Variants in FAT3 observed in about 807,000 individuals in gnomAD.
FAT3 encodes the protein protocadherin Fat 3.
Under a neutral mutation model 310.2 loss-of-function variants are expected in FAT3, and 95 were observed. That is an observed-to-expected ratio of 0.31 (90% CI 0.26 to 0.36). The LOEUF is 0.36. FAT3 is among the 10% of genes least tolerant of loss of function. The pLI, the probability that FAT3 is intolerant of heterozygous loss-of-function variation, is 1.00. For synonymous variants in FAT3, 2,314 were observed against 2,192.9 expected (o/e 1.06, Z -1.54); for missense variants, 5,408 against 5,715.6 (o/e 0.95, Z 1.74).
intron 3 of FAT3, among the ~76,000 whole-genome samples, chr11:92,576,905 T>TA (rs34110104): frequency 0.74 from 112,699 of 151,946 alleles, 44,063 homozygotes; most frequent in Non-Finnish European, 0.88. Flanking sequence ...CCAAGAATGT[T>TA]ACAGCATACA....
chr11:92,424,365 G>T (rs185304777), intron 2 of FAT3, among the ~76,000 whole-genome samples: 1 of 152,214 alleles, frequency 6.6e-6, no homozygotes, highest in East Asian at 1.9e-4. Flanking sequence ...GAAATGACTG[G>T]AGGAGAATGC....
intron 2 of FAT3, among the ~76,000 whole-genome samples, chr11:92,355,633 T>G (rs1948710086): frequency 6.6e-6 from 1 of 152,214 alleles, no homozygotes; most frequent in South Asian, 2.1e-4. Context: ...TGTTTTGTTT[T>G]GTTATTTTCT....
chr11:92,614,101 T>C (rs1940693345), intron 3 of FAT3, among the ~76,000 whole-genome samples: 1 of 152,166 alleles, frequency 6.6e-6, no homozygotes. Context: ...TGTAGAATAA[T>C]ATTCCATGGT....
At chr11:92,787,148 T>C (rs956162407) in intron 7 of FAT3, among the ~76,000 whole-genome samples, 4 of 152,158 alleles carry the variant, frequency 2.6e-5, no homozygotes, top group African/African-American at 9.6e-5. Context: ...CCCTCCCCAG[T>C]TGAGAACTGA....
intron 2 of FAT3, among the ~76,000 whole-genome samples, chr11:92,406,961 C>T (rs1950148995): frequency 6.6e-6 from 1 of 152,170 alleles, no homozygotes; most frequent in Admixed American, 6.5e-5. Flanking sequence ...ACTGTCAAGT[C>T]AGTGCCTTTT....
intron 2 of FAT3, among the ~76,000 whole-genome samples, chr11:92,513,763 C>T (rs185474449): frequency 1.3e-5 from 2 of 152,232 alleles, no homozygotes; most frequent in Non-Finnish European, 1.5e-5. Context: ...ACAGATATGC[C>T]ATCAAGGTAT....
At chr11:92,536,295 G>A (rs953390982) in intron 3 of FAT3, among the ~76,000 whole-genome samples, 2 of 152,148 alleles carry the variant, frequency 1.3e-5, no homozygotes, top group Non-Finnish European at 2.9e-5. Context: ...AGACACATTT[G>A]CTTTCTACTT....
intron 2 of FAT3, among the ~76,000 whole-genome samples, chr11:92,362,128 A>G (rs1948897144): frequency 6.6e-6 from 1 of 152,182 alleles, no homozygotes; most frequent in African/African-American, 2.4e-5. Flanking sequence ...CTTTCTTTGC[A>G]CTGAGGCTCT....
rs142590287 is a variant in FAT3 at position 92,605,755 on chromosome 11, T to A, written c.3607+80807T>A. 1.5e-3 allele frequency among the ~76,000 whole-genome samples: 205 copies of A among 136,248 alleles called. No homozygotes were observed. The Middle Eastern group carries it at 0.019, about 12-fold the overall frequency. The allele number at this position is 136,248 out of a possible 152,430, so 89.4% of individuals were successfully genotyped here. A position where few individuals can be genotyped will look rare whatever the true frequency, so the allele number is the denominator to read the frequency against. On this transcript the variant is annotated intron_variant, in intron 3 of 27. Coordinates refer to ENST00000525166, the MANE Select transcript of FAT3 (RefSeq NM_001367949.2). ...TTTTTTTTTTTTTTACAAATGAGAT[T>A]TGGGGAGAGTAATTCTTCCCCAAGT...
chr11:92,265,031 TG>T (rs1349754076), intron 1 of FAT3, among the ~76,000 whole-genome samples: 1 of 151,662 alleles, frequency 6.6e-6, no homozygotes, highest in African/African-American at 2.4e-5. Flanking sequence ...AAAAAAAGGT[TG>T]AAAAAAAAAC....
chr11:92,608,569 G>A (rs190363201), intron 3 of FAT3, among the ~76,000 whole-genome samples: 306 of 151,920 alleles, frequency 2.0e-3, no homozygotes, highest in African/African-American at 7.0e-3. Context: ...TTTCTCAACC[G>A]CACAATGAAA....
intron 3 of FAT3, among the ~76,000 whole-genome samples, chr11:92,546,096 A>G (rs1466844888): frequency 6.6e-6 from 1 of 152,144 alleles, no homozygotes; most frequent in Admixed American, 6.5e-5. Context: ...TTAATTCAAG[A>G]AATGTCGTCT....
At chr11:92,369,872 G>A (rs1565264584) in intron 2 of FAT3, among the ~76,000 whole-genome samples, 1 of 151,884 alleles carries the variant, frequency 6.6e-6, no homozygotes, top group Non-Finnish European at 1.5e-5. Context: ...AAAAAAAACT[G>A]CAAGTTCAAT....
chr11:92,764,798 C>T, intron 5 of FAT3, 81 bp from the exon 6 acceptor site: 1 of 1,334,924 alleles, frequency 7.5e-7, no homozygotes, highest in African/African-American at 1.4e-5. Flanking sequence ...GACTCTTGGC[C>T]CAGCAACATG....
chr11:92,582,505 T>G (rs766672862), intron 3 of FAT3, among the ~76,000 whole-genome samples: 2 of 152,032 alleles, frequency 1.3e-5, no homozygotes, highest in Non-Finnish European at 2.9e-5. Flanking sequence ...AATTTGATAA[T>G]TCTAGCAATC....
intron 7 of FAT3, among the ~76,000 whole-genome samples, chr11:92,782,848 G>A (rs2136137453): frequency 6.6e-6 from 1 of 152,196 alleles, no homozygotes; most frequent in South Asian, 2.1e-4. Context: ...GTTTCTAATT[G>A]GCCTGCTTCC....
At chr11:92,758,061 T>A (rs1946049941) in intron 4 of FAT3, among the ~76,000 whole-genome samples, 1 of 152,196 alleles carries the variant, frequency 6.6e-6, no homozygotes, top group Non-Finnish European at 1.5e-5. Context: ...ATGTTAATTT[T>A]CATACAGAGA....
At chr11:92,341,436 C>G (rs1039986558) in intron 1 of FAT3, among the ~76,000 whole-genome samples, 4 of 152,104 alleles carry the variant, frequency 2.6e-5, no homozygotes, top group African/African-American at 9.7e-5. Flanking sequence ...CTTATATGCA[C>G]CAGTCAATAA....
chr11:92,359,618 A>C, intron 2 of FAT3, among the ~76,000 whole-genome samples: 1 of 144,984 alleles, frequency 6.9e-6, no homozygotes, highest in Non-Finnish European at 1.5e-5. Flanking sequence ...TCCCAATGCT[A>C]TCCCTCCCCG....
Sources: allele counts gnomAD v4.1 joint callset (sites outside exome capture counted in the v4.1 genomes callset), GRCh38; gene constraint gnomAD v4.1.1; transcripts MANE v1.5; gene names NCBI Gene and HGNC (gene_info 2026-07-23, HGNC 2026-07-21).